PLEKHM3: variants seen among roughly 807,000 people sequenced by gnomAD.
PLEKHM3 encodes pleckstrin homology domain containing M3.
A neutral mutation model predicts 81.8 loss-of-function variants in PLEKHM3; 45 were observed. That is an observed-to-expected ratio of 0.55 (90% CI 0.43 to 0.71). The LOEUF (loss-of-function observed/expected upper bound fraction) is 0.71, where lower values mean the gene tolerates loss of function less well. PLEKHM3 is among the 30% of genes least tolerant of loss of function. PLEKHM3 has a pLI of 0.00. For synonymous variants in PLEKHM3, 352 were observed against 356.4 expected, an observed-to-expected ratio of 0.99 and a Z score of 0.14; for missense variants, 788 against 924.3, an observed-to-expected ratio of 0.85 and a Z score of 1.91.
chr2:207,937,173 GA>G (rs2105951504), intron 4 of PLEKHM3, among the ~76,000 whole-genome samples: 1 of 152,214 alleles, frequency 6.6e-6, no homozygotes, highest in African/African-American at 2.4e-5. Context: ...AAAGAAGAAT[GA>G]ATAAAATATA....
At chr2:207,905,592 G>C (rs770561639) in intron 6 of PLEKHM3, among the ~76,000 whole-genome samples, 21 of 152,232 alleles carry the variant, frequency 1.4e-4, no homozygotes, top group Non-Finnish European at 2.9e-4. Context: ...CTTCAGTGCT[G>C]ATAGCCAAGA....
intron 3 of PLEKHM3, among the ~76,000 whole-genome samples, chr2:207,973,477 G>A (rs546028576): frequency 1.3e-5 from 2 of 152,188 alleles, no homozygotes; most frequent in Non-Finnish European, 2.9e-5. Context: ...GGTGGCTTAC[G>A]CCTGTAATCC....
intron 6 of PLEKHM3, among the ~76,000 whole-genome samples, chr2:207,873,000 GAAAAACAA>G (rs1269185723): frequency 1.3e-5 from 2 of 152,042 alleles, no homozygotes; most frequent in Non-Finnish European, 2.9e-5. Context: ...AGAAACAGAG[GAAAAACAA>G]AAGTAGCATT....
At chr2:207,844,324 A>G (rs1324155476) in intron 7 of PLEKHM3, among the ~76,000 whole-genome samples, 1 of 138,844 alleles carries the variant, frequency 7.2e-6, no homozygotes, top group East Asian at 2.1e-4. Flanking sequence ...TTTTTTTGAG[A>G]CGGAGTCTCG....
intron 1 of PLEKHM3, among the ~76,000 whole-genome samples, chr2:208,016,143 G>T (rs997530155): frequency 5.9e-5 from 9 of 152,104 alleles, no homozygotes; most frequent in Admixed American, 5.9e-4. Flanking sequence ...GCAGTGAGCC[G>T]AGATTGCACC....
intron 5 of PLEKHM3, among the ~76,000 whole-genome samples, chr2:207,928,003 AT>A (rs1374241612): frequency 1.3e-5 from 2 of 152,298 alleles, no homozygotes; most frequent in African/African-American, 4.8e-5. Context: ...AATAAAAAAG[AT>A]TTAAAAAAAA....
At position 207,821,987 on chromosome 2, in the gene PLEKHM3, T is replaced by C. The variant is rs2092220560; in HGVS notation, c.*6332A>G. 3 of 152,216 alleles carry C rather than the reference T, an allele frequency of 2.0e-5. No individual in the cohort carries two copies. Among genetic ancestry groups the C allele is most frequent in the Admixed American group, 2.0e-4 (3 of 15,268 alleles). The allele number at this position is 152,216 out of a possible 1,614,324, so 9.4% of individuals were successfully genotyped here. ...GTAGCTATTCACAGTAAGATTCTAC[T>C]TCTTTTTTTGTTTGTTTTTTGAGAT... is the stretch of plus-strand genomic sequence containing the variant. On this transcript the variant is annotated 3_prime_UTR_variant, in exon 8 of 8. Transcript: ENST00000427836.
At chr2:207,993,696 C>T (rs1019117192) in intron 2 of PLEKHM3, among the ~76,000 whole-genome samples, 2 of 151,928 alleles carry the variant, frequency 1.3e-5, no homozygotes, top group East Asian at 1.9e-4. Context: ...GAGAGTGAAA[C>T]CGACGGAAAC....
intron 2 of PLEKHM3, among the ~76,000 whole-genome samples, chr2:207,989,257 G>A (rs1042418431): frequency 6.6e-6 from 1 of 152,292 alleles, no homozygotes; most frequent in African/African-American, 2.4e-5. Context: ...GAGAAAAGAT[G>A]GGCCCCAAAG....
chr2:207,905,443 T>G (rs1688571744), intron 6 of PLEKHM3, among the ~76,000 whole-genome samples: 1 of 152,234 alleles, frequency 6.6e-6, no homozygotes, highest in South Asian at 2.1e-4. Flanking sequence ...TACCACCACA[T>G]GCCCTTTCAC....
chr2:207,881,710 G>A (rs1016209716), intron 6 of PLEKHM3, among the ~76,000 whole-genome samples: 1 of 152,218 alleles, frequency 6.6e-6, no homozygotes. Flanking sequence ...CGGTATGGTT[G>A]ACAGTCAACC....
intron 5 of PLEKHM3, chr2:207,930,022 T>A: frequency 3.2e-6 from 2 of 633,210 alleles, no homozygotes; most frequent in Non-Finnish European, 5.7e-6. Context: ...AGCTAGTTTG[T>A]ATATGCCAAG....
chr2:207,959,384 C>T (rs554420928), intron 3 of PLEKHM3, among the ~76,000 whole-genome samples: 239 of 152,316 alleles, frequency 1.6e-3, no homozygotes, highest in Non-Finnish European at 2.8e-3. Flanking sequence ...CTCCTATTGG[C>T]TTAGAGGTTC....
chr2:207,910,177 C>A (rs1179077145), intron 5 of PLEKHM3, among the ~76,000 whole-genome samples: 1 of 152,178 alleles, frequency 6.6e-6, no homozygotes, highest in Non-Finnish European at 1.5e-5. Context: ...TGGTTCAGGG[C>A]TGCACTTGCG....
chr2:207,872,362 A>G (rs1243297763), intron 6 of PLEKHM3, among the ~76,000 whole-genome samples: 1 of 152,204 alleles, frequency 6.6e-6, no homozygotes, highest in African/African-American at 2.4e-5. Context: ...TGGCTTATTG[A>G]AAAATAATAC....
At chr2:207,885,822 T>C (rs1039255372) in intron 6 of PLEKHM3, among the ~76,000 whole-genome samples, 1 of 152,228 alleles carries the variant, frequency 6.6e-6, no homozygotes, top group Non-Finnish European at 1.5e-5. Context: ...CCTAGGGGAA[T>C]AGACATAAGA....
chr2:207,828,482 C>G lies in PLEKHM3; in HGVS notation c.2123G>C (p.Gly708Ala), dbSNP rs779263060. The part of the protein sequence containing the change: ...DISTSRCESC[G>A]AVFHSECKEK... ...TTTGCATTCAGAATGGAAAACGGCT[C>G]CACAGCTTTCACACCTGCAAAAGTC... is the stretch of plus-strand genomic sequence containing the variant. The change falls in exon 8 of 8, where the codon GGA (glycine) becomes GCA (alanine). Residue 708 changes from glycine (G) to alanine (A), a missense_variant. By Grantham distance (60) the Gly-to-Ala change is moderately conservative. Coordinates refer to ENST00000427836, the MANE Select transcript of PLEKHM3 (RefSeq NM_001080475.3). 1.9e-6 allele frequency: 3 copies of G among 1,613,834 alleles called. No homozygotes were observed. Among genetic ancestry groups the G allele is most frequent in the Non-Finnish European group, 2.5e-6 (3 of 1,179,914 alleles).
At chr2:207,881,780 T>G (rs746536418) in intron 6 of PLEKHM3, among the ~76,000 whole-genome samples, 3 of 152,238 alleles carry the variant, frequency 2.0e-5, no homozygotes, top group East Asian at 3.9e-4. Flanking sequence ...TTCCCTTCCC[T>G]TTCTCCTACT....
At chr2:208,017,187 C>G (rs1309156492) in intron 1 of PLEKHM3, among the ~76,000 whole-genome samples, 1 of 152,142 alleles carries the variant, frequency 6.6e-6, no homozygotes, top group Non-Finnish European at 1.5e-5. Context: ...TGTAGAGGGC[C>G]AACTGTAATT....
Sources: allele counts gnomAD v4.1 joint callset (sites outside exome capture counted in the v4.1 genomes callset), GRCh38; gene constraint gnomAD v4.1.1; transcripts MANE v1.5; gene names NCBI Gene and HGNC (gene_info 2026-07-23, HGNC 2026-07-21).